AFF3: variants seen among roughly 807,000 people sequenced by gnomAD.
AFF3 encodes the protein AF4/FMR2 family member 3.
In AFF3, 32 loss-of-function variants were observed where a neutral mutation model predicts 129.7. That is an observed-to-expected ratio of 0.25 (90% CI 0.19 to 0.33). AFF3 has a LOEUF of 0.33. AFF3 is among the 10% of genes least tolerant of loss of function. AFF3 has a pLI of 1.00. For synonymous variants in AFF3, 644 were observed against 635.4 expected, an observed-to-expected ratio of 1.01 and a Z score of -0.20; for missense variants, 1,373 against 1,592.0, an observed-to-expected ratio of 0.86 and a Z score of 2.34.
At chr2:99,580,729 C>A in intron 17 of AFF3, 1 of 160,412 alleles carries the variant, frequency 6.2e-6, no homozygotes, top group Non-Finnish European at 1.4e-5. Context: ...CCCGTCTCTA[C>A]TAAAAAAATA....
chr2:99,726,946 T>C, intron 11 of AFF3, 131 bp downstream of exon 11: 2 of 818,436 alleles, frequency 2.4e-6, no homozygotes, highest in East Asian at 2.9e-5. Flanking sequence ...TAGAAAGACA[T>C]TATCATGAGA....
intron 2 of AFF3, among the ~76,000 whole-genome samples, chr2:100,127,979 G>A (rs113306690): frequency 0.098 from 14,956 of 152,148 alleles, 811 homozygotes; most frequent in South Asian, 0.17. Context: ...TAAAGAAGCC[G>A]GCTAAATCCC....
chr2:100,017,252 C>A (rs1683211929), intron 4 of AFF3, among the ~76,000 whole-genome samples: 1 of 152,162 alleles, frequency 6.6e-6, no homozygotes, highest in Admixed American at 6.5e-5. Context: ...AATGTTCACT[C>A]TACTTTCCCC....
chr2:99,823,196 G>A (rs1414097886), intron 8 of AFF3, among the ~76,000 whole-genome samples: 2 of 151,984 alleles, frequency 1.3e-5, no homozygotes, highest in Non-Finnish European at 2.9e-5. Flanking sequence ...TTTTTAATAA[G>A]TGTTTACAAA....
At chr2:100,005,897 T>C (rs998535487) in intron 7 of AFF3, among the ~76,000 whole-genome samples, 1 of 152,222 alleles carries the variant, frequency 6.6e-6, no homozygotes, top group Non-Finnish European at 1.5e-5. Context: ...TTAAAGAATA[T>C]GTTAAAAAGA....
intron 13 of AFF3, among the ~76,000 whole-genome samples, chr2:99,638,449 T>C (rs962395195): frequency 1.8e-5 from 2 of 112,022 alleles, no homozygotes; most frequent in Admixed American, 1.1e-4. Context: ...GGGACTCCGG[T>C]GGTGGGGGTG....
chr2:99,602,106 C>T (rs1679893321), intron 13 of AFF3, among the ~76,000 whole-genome samples: 1 of 152,200 alleles, frequency 6.6e-6, no homozygotes, highest in Non-Finnish European at 1.5e-5. Flanking sequence ...TCAGGAAGGG[C>T]ACGGCGTTCT....
chr2:99,665,147 G>A (rs1393171536), intron 12 of AFF3, among the ~76,000 whole-genome samples: 3 of 152,224 alleles, frequency 2.0e-5, no homozygotes, highest in African/African-American at 7.2e-5. Flanking sequence ...GATGGTGCAG[G>A]GTAGTGTCGG....
intron 4 of AFF3, among the ~76,000 whole-genome samples, chr2:100,079,069 C>T (rs1688830700): frequency 1.3e-5 from 2 of 151,750 alleles, no homozygotes; most frequent in African/African-American, 4.8e-5. Context: ...GCCTCAGCCT[C>T]CCGAGTAGCT....
chr2:99,974,306 G>A (rs1279670473), intron 7 of AFF3, among the ~76,000 whole-genome samples: 2 of 152,114 alleles, frequency 1.3e-5, no homozygotes, highest in Admixed American at 1.3e-4. Context: ...TCAGCAAGAG[G>A]AGGCTTAGTT....
At chr2:99,688,485 C>A (rs2104628075) in intron 11 of AFF3, among the ~76,000 whole-genome samples, 1 of 152,316 alleles carries the variant, frequency 6.6e-6, no homozygotes, top group South Asian at 2.1e-4. Flanking sequence ...CTACTGGGGG[C>A]ATTCAATTGC....
rs191310549 is a variant in AFF3, at chr2:100,126,046, C to T, written c.-145+3178G>A. Among the ~76,000 whole-genome samples, 11 of 151,838 alleles carry T rather than the reference C, an allele frequency of 7.2e-5. No homozygotes were observed. In the East Asian group the frequency reaches 1.9e-3, roughly 27 times the overall value. On this transcript the variant is annotated intron_variant, in intron 2 of 24. Coordinates refer to ENST00000672756, the MANE Select transcript of AFF3 (RefSeq NM_001386135.1). ...ATGGGATCTAATTACTTTGAGCAAC[C>T]AAAAAAAGAGAAGAAAATGCTACCT...
intron 4 of AFF3, among the ~76,000 whole-genome samples, chr2:100,056,951 T>C (rs1373950677): frequency 1.3e-5 from 2 of 152,078 alleles, no homozygotes; most frequent in Admixed American, 6.6e-5. Context: ...GAAGAAATGG[T>C]AAAGCACTCC....
intron 11 of AFF3, among the ~76,000 whole-genome samples, chr2:99,706,707 GA>G (rs1490586459): frequency 3.9e-5 from 6 of 152,158 alleles, no homozygotes; most frequent in Non-Finnish European, 8.8e-5. Context: ...AATTTGGTGA[GA>G]AAATTCCTTG....
chr2:100,133,056 C>T (rs902919177), intron 1 of AFF3, among the ~76,000 whole-genome samples: 2 of 151,458 alleles, frequency 1.3e-5, no homozygotes, highest in Non-Finnish European at 2.9e-5. Flanking sequence ...AGCCTCCCAA[C>T]AGCTGGGATT....
intron 7 of AFF3, among the ~76,000 whole-genome samples, chr2:99,949,717 T>C (rs1675962700): frequency 6.6e-6 from 1 of 152,210 alleles, no homozygotes; most frequent in Non-Finnish European, 1.5e-5. Flanking sequence ...CAGGCAGTAA[T>C]GCCAGCAATG....
intron 7 of AFF3, among the ~76,000 whole-genome samples, chr2:99,914,387 A>G (rs891173197): frequency 6.6e-6 from 1 of 152,248 alleles, no homozygotes; most frequent in Non-Finnish European, 1.5e-5. Context: ...GAACTGCTAC[A>G]TATTAAAGGA....
intron 4 of AFF3, among the ~76,000 whole-genome samples, chr2:100,093,186 A>G (rs2105425156): frequency 6.6e-6 from 1 of 150,932 alleles, no homozygotes; most frequent in African/African-American, 2.4e-5. Context: ...GGCTCATTGC[A>G]GCCTTGACCT....
intron 10 of AFF3, among the ~76,000 whole-genome samples, chr2:99,740,276 T>G (rs1680612972): frequency 6.6e-6 from 1 of 150,642 alleles, no homozygotes; most frequent in African/African-American, 2.4e-5. Flanking sequence ...TAAACATACG[T>G]GTGCATGTGT....
Sources: gnomAD v4.1 joint callset for allele counts (sites outside exome capture counted in the v4.1 genomes callset) on GRCh38, gnomAD v4.1.1 for gene constraint, MANE v1.5 for transcripts, NCBI Gene and HGNC (gene_info 2026-07-23, HGNC 2026-07-21) for gene names.